TMLHE: variants seen among roughly 807,000 people sequenced by gnomAD.
TMLHE encodes the protein trimethyllysine dioxygenase, mitochondrial.
A neutral mutation model predicts 25.7 loss-of-function variants in TMLHE; 18 were observed. The ratio of observed to expected loss-of-function variants is 0.70; its 90% CI spans 0.48 to 1.04. The LOEUF is 1.04. Ranked by LOEUF, TMLHE falls within the 50% of genes least tolerant of loss-of-function variation. The pLI is 0.00. For missense variants in TMLHE, 236 were observed against 259.0 expected (o/e 0.91, Z 0.61); for synonymous variants, 105 against 97.0 (o/e 1.08, Z -0.49).
chrX:155,591,884 C>T (rs1299637331), intron 1 of TMLHE, among the ~76,000 whole-genome samples: 5 of 112,031 alleles, frequency 4.5e-5, no homozygotes, highest in Non-Finnish European at 1.9e-5. Flanking sequence ...GTTGAAGAGA[C>T]ATCTGCACCC....
intron 2 of TMLHE, among the ~76,000 whole-genome samples, chrX:155,536,838 G>C (rs1557337672): frequency 9.0e-6 from 1 of 111,634 alleles, no homozygotes; most frequent in African/African-American, 3.3e-5. Flanking sequence ...ATCTTACATT[G>C]AGAAAGGGAA....
intron 3 of TMLHE, among the ~76,000 whole-genome samples, chrX:155,516,175 A>T (rs1603022311): frequency 5.8e-5 from 2 of 34,471 alleles, no homozygotes; most frequent in African/African-American, 1.1e-4. Flanking sequence ...CCCTCCCCCG[A>T]CCCCACCACA....
intron 1 of TMLHE, among the ~76,000 whole-genome samples, chrX:155,598,489 A>G (rs925568627): frequency 2.0e-5 from 2 of 98,532 alleles, no homozygotes; most frequent in East Asian, 3.4e-4. Context: ...ACTCATAGGT[A>G]GGAATTGAAC....
chrX:155,561,611 G>T (rs1205598412), intron 1 of TMLHE, among the ~76,000 whole-genome samples: 1 of 61,681 alleles, frequency 1.6e-5, no homozygotes, highest in Non-Finnish European at 4.5e-5. Flanking sequence ...AGTCTTATCG[G>T]ACACAAGGCA....
At chrX:155,602,536 C>T (rs183256148) in intron 1 of TMLHE, among the ~76,000 whole-genome samples, 20 of 111,299 alleles carry the variant, frequency 1.8e-4, no homozygotes, top group African/African-American at 6.2e-4. Flanking sequence ...CAACATTATA[C>T]TGGAGATGCT....
At chrX:155,557,152 G>A (rs1470684289) in intron 1 of TMLHE, among the ~76,000 whole-genome samples, 2 of 111,531 alleles carry the variant, frequency 1.8e-5, no homozygotes, top group African/African-American at 3.3e-5. Flanking sequence ...CATCCTTCTC[G>A]GCTGACAGGA....
chrX:155,551,047 T>C (rs782214214), intron 1 of TMLHE, among the ~76,000 whole-genome samples: 6 of 110,191 alleles, frequency 5.4e-5, no homozygotes, highest in Non-Finnish European at 9.4e-5. Flanking sequence ...AGAAAGACAG[T>C]TGGGTGAGGC....
intron 3 of TMLHE, among the ~76,000 whole-genome samples, chrX:155,521,907 C>G (rs1486892971): frequency 1.1e-5 from 1 of 92,831 alleles, no homozygotes; most frequent in African/African-American, 4.0e-5. Flanking sequence ...ACACACTGGC[C>G]TGCGCCCACT....
At chrX:155,514,983 T>C (rs2067142333) in intron 3 of TMLHE, among the ~76,000 whole-genome samples, 1 of 111,714 alleles carries the variant, frequency 9.0e-6, no homozygotes, top group Non-Finnish European at 1.9e-5. Flanking sequence ...AGTGAAAGAC[T>C]ATGTTGACAA....
At chrX:155,508,010 G>A (rs1395430911) in intron 5 of TMLHE, among the ~76,000 whole-genome samples, 3 of 110,897 alleles carry the variant, frequency 2.7e-5, no homozygotes, top group Non-Finnish European at 5.7e-5. Flanking sequence ...AATAACTCCA[G>A]GTTTCTCACT....
intron 1 of TMLHE, among the ~76,000 whole-genome samples, chrX:155,552,309 ATAT>A (rs1191740910): frequency 9.1e-6 from 1 of 109,833 alleles, no homozygotes; most frequent in Non-Finnish European, 1.9e-5. Flanking sequence ...TGTGAGATTG[ATAT>A]TATTTCTTTC....
intron 1 of TMLHE, among the ~76,000 whole-genome samples, chrX:155,597,389 C>T (rs2124492123): frequency 9.0e-6 from 1 of 111,402 alleles, no homozygotes; most frequent in Non-Finnish European, 1.9e-5. Flanking sequence ...CGCTTTTACA[C>T]TGTTGGTGGG....
At chrX:155,582,825 T>C (rs1436473518) in intron 1 of TMLHE, among the ~76,000 whole-genome samples, 1 of 112,380 alleles carries the variant, frequency 8.9e-6, no homozygotes, top group African/African-American at 3.2e-5. Flanking sequence ...TTACTGGGTA[T>C]ATACCCAAAG....
At chrX:155,573,977 G>T (rs2067574092) in intron 1 of TMLHE, among the ~76,000 whole-genome samples, 1 of 103,611 alleles carries the variant, frequency 9.7e-6, no homozygotes, top group Non-Finnish European at 1.9e-5. Flanking sequence ...AAAACTTAAA[G>T]TATAATAATA....
At chrX:155,531,904 G>T (rs781985616) in intron 2 of TMLHE, among the ~76,000 whole-genome samples, 1 of 111,085 alleles carries the variant, frequency 9.0e-6, no homozygotes, top group Admixed American at 9.6e-5. Flanking sequence ...GGGCAAAATA[G>T]ACCCCAATTG....
Position 155,525,847 on chromosome X carries a change from G to A in TMLHE, c.182-1215C>T, listed in dbSNP as rs147588970. Among the ~76,000 whole-genome samples the A allele has an allele frequency of 9.5e-4, 107 of 112,291 alleles. 1 individual carries two copies. The East Asian group carries it at 0.028, about 29-fold the overall frequency. On this transcript the variant is annotated intron_variant, in intron 2 of 7. Transcript: ENST00000334398. ...TTCAACTTCAGAGAGATGATTTAGG[G>A]TATCTGGCAGAAGAAATGTCTAAGT...
intron 1 of TMLHE, among the ~76,000 whole-genome samples, chrX:155,578,672 A>T (rs782020597): frequency 9.0e-6 from 1 of 111,516 alleles, no homozygotes; most frequent in Non-Finnish European, 1.9e-5. Flanking sequence ...AAACCCGGCC[A>T]AACATTGTCA....
intron 2 of TMLHE, among the ~76,000 whole-genome samples, chrX:155,530,089 GA>G (rs1312701809): frequency 8.9e-6 from 1 of 111,853 alleles, no homozygotes; most frequent in Non-Finnish European, 1.9e-5. Context: ...CAAAGGAAAT[GA>G]AAGTACTACC....
chrX:155,556,338 G>A (rs1557340820), intron 1 of TMLHE, among the ~76,000 whole-genome samples: 1 of 86,654 alleles, frequency 1.2e-5, no homozygotes, highest in African/African-American at 3.8e-5. Context: ...CTATTATCGG[G>A]GGACCTGCCC....
Sources: gnomAD v4.1 joint callset for allele counts (sites outside exome capture counted in the v4.1 genomes callset) on GRCh38, gnomAD v4.1.1 for gene constraint, MANE v1.5 for transcripts, NCBI Gene and HGNC (gene_info 2026-07-23, HGNC 2026-07-21) for gene names.